Variants in KAZN observed in about 807,000 individuals in gnomAD.
KAZN encodes the protein kazrin.
A neutral mutation model predicts 87.4 loss-of-function variants in KAZN; 40 were observed. The ratio of observed to expected loss-of-function variants is 0.46; its 90% CI spans 0.36 to 0.60. The LOEUF is 0.60. KAZN is among the 20% of genes least tolerant of loss of function. The pLI is 0.00. For missense variants in KAZN, 898 were observed against 1,073.9 expected (o/e 0.84, Z 2.29); for synonymous variants, 466 against 458.3 (o/e 1.02, Z -0.22).
chr1:14,379,818 T>C (rs1028376557), intron 2 of KAZN, among the ~76,000 whole-genome samples: 3 of 152,164 alleles, frequency 2.0e-5, no homozygotes, highest in African/African-American at 7.2e-5. Context: ...TGGGGGAGCT[T>C]GCCACCTTGG....
intron 8 of KAZN, among the ~76,000 whole-genome samples, chr1:15,070,420 C>CATT (rs904500542): frequency 6.6e-6 from 1 of 152,198 alleles, no homozygotes; most frequent in African/African-American, 2.4e-5. Context: ...GGAGCAGAAT[C>CATT]ACCTCCACTG....
intron 2 of KAZN, among the ~76,000 whole-genome samples, chr1:14,536,187 C>T (rs547757929): frequency 1.3e-5 from 2 of 152,160 alleles, no homozygotes; most frequent in South Asian, 2.1e-4. Context: ...CACTGAGTAA[C>T]GACTTCTGGT....
At chr1:14,906,585 C>G (rs944012640) in intron 1 of KAZN, among the ~76,000 whole-genome samples, 5 of 151,640 alleles carry the variant, frequency 3.3e-5, no homozygotes, top group African/African-American at 9.7e-5. Flanking sequence ...AAAAGGGGCA[C>G]GTTGATATTT....
intron 1 of KAZN, among the ~76,000 whole-genome samples, chr1:14,021,177 C>T (rs938284828): frequency 2.6e-5 from 4 of 152,152 alleles, no homozygotes; most frequent in African/African-American, 9.7e-5. Flanking sequence ...GGCCTCTGTC[C>T]ACTAGATGCC....
chr1:14,913,209 C>T (rs1217689531), intron 1 of KAZN, among the ~76,000 whole-genome samples: 2 of 152,162 alleles, frequency 1.3e-5, no homozygotes, highest in Non-Finnish European at 2.9e-5. Flanking sequence ...TAGGCTCACC[C>T]AGCGGCTCTT....
intron 2 of KAZN, among the ~76,000 whole-genome samples, chr1:14,186,282 G>T (rs543714419): frequency 5.8e-4 from 88 of 152,208 alleles, no homozygotes; most frequent in Non-Finnish European, 1.0e-3. Flanking sequence ...CAGTAAGCAG[G>T]ATACGAAATA....
At chr1:14,264,500 T>G (rs574486745) in intron 2 of KAZN, among the ~76,000 whole-genome samples, 1 of 152,170 alleles carries the variant, frequency 6.6e-6, no homozygotes, top group Admixed American at 6.5e-5. Flanking sequence ...CAGAAGTGGG[T>G]TAGTTATCAA....
At chr1:14,808,020 C>T (rs1183813824) in intron 1 of KAZN, among the ~76,000 whole-genome samples, 2 of 152,112 alleles carry the variant, frequency 1.3e-5, no homozygotes, top group African/African-American at 4.8e-5. Flanking sequence ...GTGCTCAGTT[C>T]TTTAGCCTAT....
At chr1:14,511,411 G>A (rs1670899756) in intron 2 of KAZN, among the ~76,000 whole-genome samples, 1 of 152,184 alleles carries the variant, frequency 6.6e-6, no homozygotes, top group Non-Finnish European at 1.5e-5. Flanking sequence ...GTAGAAACTA[G>A]TAAAAGAGAG....
intron 1 of KAZN, among the ~76,000 whole-genome samples, chr1:14,932,588 G>T (rs1336676623): frequency 6.6e-6 from 1 of 152,128 alleles, no homozygotes; most frequent in South Asian, 2.1e-4. Context: ...GTTGGAGCTG[G>T]CCCTGAATCA....
chr1:14,534,260 C>A (rs1012946357), intron 2 of KAZN, among the ~76,000 whole-genome samples: 2 of 152,202 alleles, frequency 1.3e-5, no homozygotes, highest in African/African-American at 4.8e-5. Context: ...TTGCTGTTGA[C>A]ACATGAATAG....
chr1:14,017,945 A>G (rs1425276872), intron 1 of KAZN, among the ~76,000 whole-genome samples: 9 of 152,200 alleles, frequency 5.9e-5, no homozygotes. Flanking sequence ...GATCATCATC[A>G]TAACAGCTGA....
intron 1 of KAZN, among the ~76,000 whole-genome samples, chr1:14,950,495 G>C (rs1177933587): frequency 6.6e-6 from 1 of 152,182 alleles, no homozygotes. Flanking sequence ...TCTCCCCGAA[G>C]GCTCAGGATG....
intron 13 of KAZN, among the ~76,000 whole-genome samples, chr1:15,106,055 G>C (rs754735933): frequency 2.0e-4 from 30 of 152,140 alleles, no homozygotes; most frequent in Non-Finnish European, 3.1e-4. Flanking sequence ...GGAGGCAGGA[G>C]GATTGCTTGA....
In KAZN at chr1:13,946,319, T is replaced by G. The variant is rs541965800; in HGVS notation, c.91+52563T>G. Among the ~76,000 whole-genome samples, 4 of 152,302 alleles carry G rather than the reference T, an allele frequency of 2.6e-5. No homozygotes were observed. The East Asian group carries it at 7.7e-4, about 29-fold the overall frequency. ...CACAGAATGCATAGAGGCGAAGAGT[T>G]GCGATTCTGGAGCCAGTCTTCCTGG... On this transcript the variant is annotated intron_variant, in intron 1 of 16. Coordinates refer to the KAZN transcript ENST00000636203.
chr1:15,099,624 T>C lies in KAZN; in HGVS notation c.1548-1919T>C, dbSNP rs1640960059. On this transcript the variant is annotated intron_variant, in intron 10 of 14. Transcript: ENST00000376030. The surrounding 1 kb of genome is among the most constrained non-coding windows in gnomAD (Gnocchi z 5.4). ...CCCATGTGCGTTGGGGGAGGGGAAG[T>C]CAGCCAGGGCCAGTGCAGGTGACCC... 6.6e-6 allele frequency among the ~76,000 whole-genome samples: 1 copy of C among 152,010 alleles called. No individual in the cohort carries two copies.
In KAZN at chr1:14,086,667, C is replaced by T. The variant is rs531083596; in HGVS notation, c.92-93768C>T. On this transcript the variant is annotated intron_variant, in intron 1 of 16. Coordinates refer to the KAZN transcript ENST00000636203. ...GTACTCAAAGAATTAATATTTTCTC[C>T]TATTTTTTTCTAGAAGTTTTATAAT... Among the ~76,000 whole-genome samples, 3 of 152,136 alleles carry T rather than the reference C, an allele frequency of 2.0e-5. No individual in the cohort carries two copies. The East Asian group carries it at 5.8e-4, about 29-fold the overall frequency.
intron 8 of KAZN, among the ~76,000 whole-genome samples, chr1:15,084,471 GGAAA>G (rs1640157605): frequency 6.6e-6 from 1 of 152,182 alleles, no homozygotes; most frequent in African/African-American, 2.4e-5. Flanking sequence ...AGAAAATAAG[GGAAA>G]TCCCCAAGAC....
At chr1:14,002,343 G>A (rs116089576) in intron 1 of KAZN, among the ~76,000 whole-genome samples, 2,608 of 152,310 alleles carry the variant, frequency 0.017, 68 homozygotes, top group African/African-American at 0.06. Flanking sequence ...TGTTGTGAAA[G>A]GGACCCAGAG....
Sources: gnomAD v4.1 joint callset for allele counts (sites outside exome capture counted in the v4.1 genomes callset) on GRCh38, gnomAD v4.1.1 for gene constraint, Gnocchi (gnomAD v3.1) non-coding constraint, MANE v1.5 for transcripts, NCBI Gene and HGNC (gene_info 2026-07-23, HGNC 2026-07-21) for gene names.